Variants in RBFOX1 observed in about 807,000 individuals in gnomAD.
The protein encoded by RBFOX1 is RNA binding fox-1 homolog 1.
In RBFOX1, 8 loss-of-function variants were observed where a neutral mutation model predicts 57.7. The ratio of observed to expected loss-of-function variants is 0.14; its 90% CI spans 0.08 to 0.25. The LOEUF is 0.25. Among genes scored for constraint, RBFOX1 ranks in the 10% least tolerant of loss-of-function variants. The probability of loss-of-function intolerance (pLI) is 1.00; values close to 1 mark genes in which losing one functional copy is unlikely to be tolerated. For synonymous variants in RBFOX1, 326 were observed against 222.4 expected (o/e 1.47, Z -4.15); for missense variants, 611 against 548.5 (o/e 1.11, Z -1.14).
intron 4 of RBFOX1, among the ~76,000 whole-genome samples, chr16:7,505,652 C>T (rs1321947519): frequency 1.3e-5 from 2 of 152,154 alleles, no homozygotes; most frequent in African/African-American, 4.8e-5. Context: ...ATTTTGCAAA[C>T]ATGACACCTC....
intron 1 of RBFOX1, among the ~76,000 whole-genome samples, chr16:5,427,694 A>AT (rs1236297884): frequency 6.6e-6 from 1 of 152,198 alleles, no homozygotes; most frequent in African/African-American, 2.4e-5. Flanking sequence ...TTCAAGCTCA[A>AT]AGGCCGTCTG....
chr16:7,647,990 C>T (rs758537322), intron 11 of RBFOX1, among the ~76,000 whole-genome samples: 1 of 152,150 alleles, frequency 6.6e-6, no homozygotes, highest in Non-Finnish European at 1.5e-5. Flanking sequence ...TCCAGGTAAT[C>T]ATCTCAAATA....
At chr16:7,311,689 G>A (rs1320493127) in intron 4 of RBFOX1, among the ~76,000 whole-genome samples, 2 of 152,032 alleles carry the variant, frequency 1.3e-5, no homozygotes, top group East Asian at 1.9e-4. Flanking sequence ...AAGGAACAGC[G>A]AGGTTTACAC....
intron 3 of RBFOX1, among the ~76,000 whole-genome samples, chr16:5,687,285 T>C (rs2050533962): frequency 6.6e-6 from 1 of 152,150 alleles, no homozygotes; most frequent in South Asian, 2.1e-4. Context: ...CTTCATGATG[T>C]CCTGGTTTAG....
intron 4 of RBFOX1, among the ~76,000 whole-genome samples, chr16:7,198,257 G>A (rs111727306): frequency 0.016 from 2,470 of 152,004 alleles, 69 homozygotes; most frequent in African/African-American, 0.057. Flanking sequence ...TGCCTGCCTT[G>A]GACTCCCAAA....
chr16:6,520,694 C>A (rs1295682730), intron 2 of RBFOX1, among the ~76,000 whole-genome samples: 1 of 152,142 alleles, frequency 6.6e-6, no homozygotes, highest in East Asian at 1.9e-4. Context: ...GCAGCAGGAA[C>A]CCTGCTTAGT....
intron 1 of RBFOX1, among the ~76,000 whole-genome samples, chr16:6,088,593 G>A (rs2096123747): frequency 6.6e-6 from 1 of 150,390 alleles, no homozygotes; most frequent in East Asian, 2.0e-4. Context: ...TATGTTGCAT[G>A]CCAAAGACAA....
At chr16:6,859,125 ATATACATATATATACG>A (rs1327510095) in intron 3 of RBFOX1, among the ~76,000 whole-genome samples, 1 of 66,328 alleles carries the variant, frequency 1.5e-5, no homozygotes, top group African/African-American at 9.5e-5. Flanking sequence ...ATATATATAT[ATATACATATATATACG>A]TATATATATA....
intron 4 of RBFOX1, among the ~76,000 whole-genome samples, chr16:5,867,673 T>C (rs1451373294): frequency 2.0e-5 from 3 of 152,124 alleles, no homozygotes; most frequent in Non-Finnish European, 4.4e-5. Flanking sequence ...CCCCATTCCT[T>C]CTCTTTTGGC....
At chr16:7,007,175 T>C (rs570784489) in intron 3 of RBFOX1, among the ~76,000 whole-genome samples, 2 of 152,160 alleles carry the variant, frequency 1.3e-5, no homozygotes, top group Non-Finnish European at 2.9e-5. Flanking sequence ...ATTTATTTCC[T>C]TGCAGCTGTA....
intron 4 of RBFOX1, among the ~76,000 whole-genome samples, chr16:5,882,239 G>A (rs1188869127): frequency 6.6e-6 from 1 of 152,048 alleles, no homozygotes; most frequent in Non-Finnish European, 1.5e-5. Context: ...GTCAGAGGTG[G>A]AAGTGAATTT....
At chr16:6,177,762 C>T (rs754667119) in intron 1 of RBFOX1, among the ~76,000 whole-genome samples, 3 of 152,024 alleles carry the variant, frequency 2.0e-5, no homozygotes, top group East Asian at 1.9e-4. Flanking sequence ...CACCCAAGCA[C>T]GCAGTCGGTT....
intron 13 of RBFOX1, among the ~76,000 whole-genome samples, chr16:7,673,356 G>C (rs1030235757): frequency 6.6e-6 from 1 of 152,120 alleles, no homozygotes; most frequent in African/African-American, 2.4e-5. Flanking sequence ...AAACCAGTTT[G>C]GTTGTGGAAA....
chr16:6,814,196 G>C (rs1312704355), intron 3 of RBFOX1, among the ~76,000 whole-genome samples: 2 of 143,762 alleles, frequency 1.4e-5, no homozygotes, highest in African/African-American at 5.1e-5. Context: ...TGATCAACAT[G>C]ATGATAATAA....
rs566486304 is a variant in RBFOX1, at chr16:6,465,544, T to C, written c.-64+148487T>C. ...GAAGTAAAATGCTGCTAAGTTTACC[T>C]GCACTTTTAGTGTACATTCAGATCA... On this transcript the variant is annotated intron_variant, in intron 2 of 15. Coordinates refer to ENST00000550418, the MANE Select transcript of RBFOX1 (RefSeq NM_018723.4). Among the ~76,000 whole-genome samples, 19 of 152,266 alleles carry C rather than the reference T, an allele frequency of 1.2e-4. 1 individual carries two copies. The South Asian group carries it at 3.9e-3, about 32-fold the overall frequency.
At chr16:7,516,634 C>T (rs1366645593) in intron 4 of RBFOX1, among the ~76,000 whole-genome samples, 1 of 152,224 alleles carries the variant, frequency 6.6e-6, no homozygotes, top group African/African-American at 2.4e-5. Flanking sequence ...GAAAGAAATG[C>T]TCGTGCCCTT....
intron 3 of RBFOX1, among the ~76,000 whole-genome samples, chr16:6,946,915 C>A (rs1281227815): frequency 6.6e-6 from 1 of 152,110 alleles, no homozygotes; most frequent in East Asian, 1.9e-4. Context: ...AGCCCAGAAA[C>A]CTTTCAAACG....
intron 3 of RBFOX1, among the ~76,000 whole-genome samples, chr16:5,696,095 A>G (rs1352562185): frequency 6.6e-6 from 1 of 152,226 alleles, no homozygotes; most frequent in Non-Finnish European, 1.5e-5. Flanking sequence ...TACAGAGAAG[A>G]ATATAGTGAA....
intron 3 of RBFOX1, among the ~76,000 whole-genome samples, chr16:7,010,233 A>C (rs1335817446): frequency 6.6e-6 from 1 of 152,268 alleles, no homozygotes. Context: ...TCAAATACAC[A>C]GACAACCTAG....
Sources: gnomAD v4.1 joint callset for allele counts (sites outside exome capture counted in the v4.1 genomes callset) on GRCh38, gnomAD v4.1.1 for gene constraint, MANE v1.5 for transcripts, NCBI Gene and HGNC (gene_info 2026-07-23, HGNC 2026-07-21) for gene names.